TP63: variants seen among roughly 807,000 people sequenced by gnomAD.
TP63 encodes the protein tumor protein p63.
Under a neutral mutation model 82.8 loss-of-function variants are expected in TP63, and 17 were observed. The observed-to-expected ratio is 0.21, with a 90% CI of 0.14 to 0.31. The LOEUF (loss-of-function observed/expected upper bound fraction) is 0.31. Ranked by LOEUF, TP63 falls within the 10% of genes least tolerant of loss-of-function variation. The pLI is 1.00. For missense variants in TP63, 648 were observed against 895.3 expected (o/e 0.72, Z 3.52); for synonymous variants, 330 against 321.7 (o/e 1.03, Z -0.28).
intron 10 of TP63, chr3:189,880,483 GT>G: frequency 1.9e-6 from 2 of 1,032,348 alleles, no homozygotes; most frequent in Non-Finnish European, 2.3e-6. Context: ...GAGGGGTCAG[GT>G]GGGGAAAGGG....
At chr3:189,821,375 G>C in intron 4 of TP63, among the ~76,000 whole-genome samples, 1 of 152,110 alleles carries the variant, frequency 6.6e-6, no homozygotes, top group East Asian at 1.9e-4. Flanking sequence ...TGCATTTGAG[G>C]GTCCTGGTGA....
intron 3 of TP63, among the ~76,000 whole-genome samples, chr3:189,799,158 G>A (rs964844296): frequency 8.6e-5 from 13 of 152,004 alleles, no homozygotes; most frequent in African/African-American, 2.9e-4. Flanking sequence ...TTGTTATATT[G>A]GAGCATAAAT....
chr3:189,619,925 C>T, the TP63 span, among the ~76,000 whole-genome samples: 1 of 152,180 alleles, frequency 6.6e-6, no homozygotes, highest in Non-Finnish European at 1.5e-5. Flanking sequence ...TCGTTCTCCA[C>T]TCTTGGACCT....
chr3:189,803,659 G>A (rs1313239450), intron 3 of TP63, among the ~76,000 whole-genome samples: 2 of 152,134 alleles, frequency 1.3e-5, no homozygotes, highest in Admixed American at 6.5e-5. Context: ...TGACCAAGGC[G>A]TACTTCATCC....
At chr3:189,719,639 G>A (rs1719232247) in intron 1 of TP63, among the ~76,000 whole-genome samples, 1 of 152,174 alleles carries the variant, frequency 6.6e-6, no homozygotes, top group Non-Finnish European at 1.5e-5. Context: ...GCCGTCGCAG[G>A]TTGAAAGCAG....
chr3:189,875,799 C>A (rs1719146313), intron 10 of TP63, among the ~76,000 whole-genome samples: 1 of 141,188 alleles, frequency 7.1e-6, no homozygotes, highest in Admixed American at 7.1e-5. Flanking sequence ...TTAGGAAATC[C>A]TAAAGTGGTT....
At chr3:189,841,907 G>A (rs1295054119) in intron 4 of TP63, among the ~76,000 whole-genome samples, 2 of 152,258 alleles carry the variant, frequency 1.3e-5, no homozygotes, top group East Asian at 1.9e-4. Context: ...TGGACCAGGG[G>A]GTAAAACATA....
the TP63 span, among the ~76,000 whole-genome samples, chr3:189,598,197 CAATA>C: frequency 1.4e-5 from 2 of 145,920 alleles, no homozygotes; most frequent in African/African-American, 2.5e-5. Flanking sequence ...ATACGAAACA[CAATA>C]AATAAAACAA....
intron 3 of TP63, among the ~76,000 whole-genome samples, chr3:189,747,147 T>C (rs960839990): frequency 1.3e-5 from 2 of 152,070 alleles, no homozygotes; most frequent in Non-Finnish European, 2.9e-5. Context: ...TTCAGTACAG[T>C]AATAGTTGGG....
At position 189,894,546 on chromosome 3, in the gene TP63, C is replaced by T. The variant is rs1276351762; in HGVS notation, c.*44C>T. ...TTCCTATCCCTCTCCTAACTGCCAG[C>T]CCCCTAAAAGCACTCCTGCTTAATC... On this transcript the variant is annotated 3_prime_UTR_variant, in exon 14 of 14. Transcript: ENST00000264731. 1.2e-5 allele frequency: 20 copies of T among 1,606,320 alleles called. No homozygotes were observed. Among genetic ancestry groups the T allele is most frequent in the Non-Finnish European group, 1.5e-5 (18 of 1,178,196 alleles).
intron 3 of TP63, among the ~76,000 whole-genome samples, chr3:189,792,567 A>G (rs1005787883): frequency 2.0e-5 from 3 of 152,076 alleles, no homozygotes; most frequent in Admixed American, 6.5e-5. Flanking sequence ...ACTTTGGTAA[A>G]TGGGTTACAG....
chr3:189,675,568 T>C (rs537839153), intron 1 of TP63, among the ~76,000 whole-genome samples: 1 of 152,088 alleles, frequency 6.6e-6, no homozygotes, highest in African/African-American at 2.4e-5. Flanking sequence ...TCATAAATAT[T>C]CCCCATATTC....
chr3:189,748,185 G>T (rs1721520030), intron 3 of TP63, among the ~76,000 whole-genome samples: 1 of 152,016 alleles, frequency 6.6e-6, no homozygotes, highest in African/African-American at 2.4e-5. Context: ...GTACTGAAAA[G>T]TCCTAGTCAG....
chr3:189,773,063 T>C (rs1050421396), intron 3 of TP63, among the ~76,000 whole-genome samples: 1 of 152,204 alleles, frequency 6.6e-6, no homozygotes, highest in Non-Finnish European at 1.5e-5. Flanking sequence ...AGATCAGCGG[T>C]AAAGATTTGT....
intron 4 of TP63, among the ~76,000 whole-genome samples, chr3:189,821,215 T>C (rs1315117465): frequency 6.6e-6 from 1 of 152,260 alleles, no homozygotes; most frequent in East Asian, 1.9e-4. Context: ...AGTATTTTCA[T>C]ATAGAAGCAT....
At chr3:189,708,393 G>A (rs1325580011) in intron 1 of TP63, among the ~76,000 whole-genome samples, 1 of 152,140 alleles carries the variant, frequency 6.6e-6, no homozygotes, top group African/African-American at 2.4e-5. Flanking sequence ...CTGATTTTTG[G>A]TTCAGTCATT....
Position 189,646,463 on chromosome 3 carries a change from TTTAC to T in TP63, c.62+14893_62+14896del, listed in dbSNP as rs771521092. 1.4e-4 allele frequency among the ~76,000 whole-genome samples: 20 copies of T among 147,648 alleles called. 2 individuals are homozygous for T. Among genetic ancestry groups the T allele is most frequent in the African/African-American group, 3.5e-4 (14 of 39,526 alleles). On this transcript the variant is annotated intron_variant, in intron 1 of 13. Transcript: ENST00000264731. ...TTATACTTCACATATGGTATTTACATTTACTTACTTCAATGACTAAACTTTTAAT... is the reference window on the plus strand; with the variant it reads ...TTATACTTCACATATGGTATTTACATTTACTTCAATGACTAAACTTTTAAT...
the TP63 span, among the ~76,000 whole-genome samples, chr3:189,597,017 G>C: frequency 6.6e-6 from 1 of 152,016 alleles, no homozygotes; most frequent in African/African-American, 2.4e-5. Context: ...CGAACCCACC[G>C]TAAGGAAGAA....
At chr3:189,815,588 A>G (rs1005671973) in intron 4 of TP63, among the ~76,000 whole-genome samples, 69 of 152,184 alleles carry the variant, frequency 4.5e-4, no homozygotes, top group African/African-American at 1.6e-3. Context: ...TGCATGTAAT[A>G]TCTTCATATC....
Sources: allele counts gnomAD v4.1 joint callset (sites outside exome capture counted in the v4.1 genomes callset), GRCh38; gene constraint gnomAD v4.1.1; transcripts MANE v1.5; gene names NCBI Gene and HGNC (gene_info 2026-07-23, HGNC 2026-07-21).